Variants in ARHGAP31 observed in about 807,000 individuals in gnomAD.
ARHGAP31 encodes the protein Rho GTPase activating protein 31.
In ARHGAP31, 34 loss-of-function variants were observed where a neutral mutation model predicts 113.9. That is an observed-to-expected ratio of 0.30 (90% confidence interval 0.23 to 0.40). ARHGAP31 has a LOEUF of 0.40. Among genes scored for constraint, ARHGAP31 ranks in the 10% least tolerant of loss-of-function variants. ARHGAP31 has a pLI of 1.00. For synonymous variants in ARHGAP31, 650 were observed against 684.8 expected, an observed-to-expected ratio of 0.95 and a Z score of 0.79; for missense variants, 1,548 against 1,767.1, an observed-to-expected ratio of 0.88 and a Z score of 2.22.
chr3:119,318,170 T>C (rs2079750869), intron 1 of ARHGAP31, among the ~76,000 whole-genome samples: 1 of 152,002 alleles, frequency 6.6e-6, no homozygotes, highest in Non-Finnish European at 1.5e-5. Flanking sequence ...CTCAAGAGGC[T>C]GAAGTGGGAG....
chr3:119,312,914 CTG>C (rs1369609524), intron 1 of ARHGAP31, among the ~76,000 whole-genome samples: 1 of 152,130 alleles, frequency 6.6e-6, no homozygotes, highest in East Asian at 1.9e-4. Context: ...AGACCTTTCT[CTG>C]TGTGTTTACT....
chr3:119,337,876 G>C (rs578097873), intron 1 of ARHGAP31, among the ~76,000 whole-genome samples: 152 of 152,276 alleles, frequency 1.0e-3, no homozygotes, highest in Non-Finnish European at 1.9e-3. Context: ...AGACAGAAAA[G>C]TTCTCCAAGT....
At chr3:119,367,962 C>T (rs4687849) in intron 2 of ARHGAP31, among the ~76,000 whole-genome samples, 6,423 of 151,830 alleles carry the variant, frequency 0.042, 373 homozygotes, top group South Asian at 0.13. Context: ...TGGAGATGAG[C>T]GACAACAACC....
rs1411861051 is a variant in ARHGAP31 at position 119,414,972 on chromosome 3, GGGGCAGAGGC to G, written c.3044_3053del (p.Gly1015ValfsTer23). 1 of 1,614,060 alleles carries G rather than the reference GGGGCAGAGGC, an allele frequency of 6.2e-7. No homozygotes were observed. Among genetic ancestry groups the G allele is most frequent in the African/African-American group, 1.3e-5 (1 of 74,926 alleles). ...CTTCAGAGAGTTCTCTGGCCTGAAA[GGGGCAGAGGC>G]TCCTCCCAACCAGAAGGGACCAAGT... On this transcript the variant is annotated frameshift_variant, in exon 12 of 12. Transcript: ENST00000264245. LOFTEE classifies it high-confidence loss of function.
rs1002418335 is a variant in ARHGAP31, at chr3:119,300,606, A to G, written c.100+5602A>G. Among the ~76,000 whole-genome samples the G allele has an allele frequency of 8.5e-5, 13 of 152,206 alleles. No homozygotes were observed. In the East Asian group the frequency reaches 2.3e-3, roughly 27 times the overall value. ...CACTTTGGGAGGCCAAAGTGGGTAG[A>G]TCACTTGAGGTCAGACGTTCGAGAC... is the stretch of plus-strand genomic sequence containing the variant. On this transcript the variant is annotated intron_variant, in intron 1 of 11. Transcript: ENST00000264245.
In ARHGAP31 at chr3:119,403,048, G is replaced by A. The variant is rs142132892; in HGVS notation, c.1645+651G>A. 1.2e-4 allele frequency among the ~76,000 whole-genome samples: 19 copies of A among 152,308 alleles called. No homozygotes were observed. The East Asian group carries it at 3.3e-3, about 26-fold the overall frequency. Reference sequence around the variant, plus strand: ...AGATTGGCCAGACTTGAGTCTCTGGGTGTGTCTGGAGTGAAGAGAGTTTCT... The same window carrying A: ...AGATTGGCCAGACTTGAGTCTCTGGATGTGTCTGGAGTGAAGAGAGTTTCT... On this transcript the variant is annotated intron_variant, in intron 10 of 11. Coordinates refer to ENST00000264245, the MANE Select transcript of ARHGAP31 (RefSeq NM_020754.4).
chr3:119,397,361 G>A (rs1224775427), intron 8 of ARHGAP31, among the ~76,000 whole-genome samples: 2 of 152,198 alleles, frequency 1.3e-5, no homozygotes, highest in African/African-American at 4.8e-5. Context: ...AGTCAGGGGC[G>A]CCTGGTCACT....
At chr3:119,380,187 A>G (rs1180710466) in intron 3 of ARHGAP31, among the ~76,000 whole-genome samples, 1 of 152,140 alleles carries the variant, frequency 6.6e-6, no homozygotes, top group Admixed American at 6.5e-5. Flanking sequence ...CAACGCTCTT[A>G]TCCCTGCCAA....
chr3:119,409,812 A>G lies in ARHGAP31; in HGVS notation c.1926+36A>G. The G allele has an allele frequency of 1.9e-6, 3 of 1,549,304 alleles. No homozygotes were observed. In the South Asian group the frequency reaches 3.7e-5, roughly 19 times the overall value. ...TTCTCCACCTGCTCCAGCCAGGTGG[A>G]GTTATTTTTTCCCAAGGGCTCTTGG... On this transcript the variant is annotated intron_variant, in intron 11 of 11. Coordinates refer to ENST00000264245, the MANE Select transcript of ARHGAP31 (RefSeq NM_020754.4).
intron 1 of ARHGAP31, among the ~76,000 whole-genome samples, chr3:119,301,990 C>G (rs955815638): frequency 2.0e-5 from 3 of 152,202 alleles, no homozygotes; most frequent in African/African-American, 7.2e-5. Context: ...GGCCCAGGAA[C>G]AGGGAGTTAG....
At chr3:119,405,579 C>T (rs900345012) in intron 10 of ARHGAP31, among the ~76,000 whole-genome samples, 3 of 152,178 alleles carry the variant, frequency 2.0e-5, no homozygotes, top group Admixed American at 6.5e-5. Flanking sequence ...ACACTACCCT[C>T]AGGAGGCTGA....
Position 119,413,959 on chromosome 3 carries a change from T to G in ARHGAP31, c.2030T>G (p.Leu677Arg). Residue 677 changes from leucine (L) to arginine (R), a missense_variant, in exon 12 of 12, where the codon CTG (leucine) becomes CGG (arginine). Transcript: ENST00000264245. ...EELSSLPPPA[L>R]KTSPIQPILE... ...CTCTCATCGTTGCCACCTCCTGCTC[T>G]GAAGACCAGCCCAATTCAGCCTATT... 6.2e-7 allele frequency: 1 copy of G among 1,614,214 alleles called. No homozygotes were observed. The highest frequency in any genetic ancestry group is 1.1e-5 in the South Asian group (1 of 91,088).
intron 6 of ARHGAP31, among the ~76,000 whole-genome samples, chr3:119,387,179 A>C (rs1046718960): frequency 6.6e-6 from 1 of 152,186 alleles, no homozygotes; most frequent in Non-Finnish European, 1.5e-5. Context: ...GCTGGACCAC[A>C]GTCCGCCTGG....
intron 1 of ARHGAP31, chr3:119,330,103 T>C (rs1284565191): frequency 1.2e-6 from 1 of 801,646 alleles, no homozygotes; most frequent in Non-Finnish European, 1.5e-6. Context: ...TCACCCCAAT[T>C]AGTGTTGTGG....
At chr3:119,318,171 G>T (rs540620678) in intron 1 of ARHGAP31, among the ~76,000 whole-genome samples, 30 of 152,250 alleles carry the variant, frequency 2.0e-4, no homozygotes, top group African/African-American at 7.0e-4. Context: ...TCAAGAGGCT[G>T]AAGTGGGAGG....
rs76222391 is a variant in ARHGAP31 at position 119,323,920 on chromosome 3, C to T, written c.100+28916C>T. ...GCGGTTTCCACATTTCCTGTCCTCC[C>T]CCTTCCCCTTTCCTGCTGGGAATAA... is the stretch of plus-strand genomic sequence containing the variant. On this transcript the variant is annotated intron_variant, in intron 1 of 11. Transcript: ENST00000264245. Among the ~76,000 whole-genome samples the T allele has an allele frequency of 6.5e-3, 987 of 152,328 alleles. 16 individuals carry two copies. Among genetic ancestry groups the T allele is most frequent in the East Asian group, 0.061 (316 of 5,182 alleles).
At position 119,367,852 on chromosome 3, in the gene ARHGAP31, A is replaced by G. The variant is rs144570272; in HGVS notation, c.204-520A>G. On this transcript the variant is annotated intron_variant, in intron 2 of 11. Transcript: ENST00000264245. ...AGCCTGGGTGACAGAGCGAGACTCC[A>G]TCTCAAAAAAAAGAAAAAAAAAAAA... 6.7e-3 allele frequency among the ~76,000 whole-genome samples: 966 copies of G among 144,442 alleles called. 6 individuals carry two copies. The highest frequency in any genetic ancestry group is 9.6e-3 in the Non-Finnish European group (631 of 65,852). The allele number at this position is 144,442 out of a possible 152,430, so 94.8% of individuals were successfully genotyped here.
chr3:119,384,762 G>C (rs956447777), intron 6 of ARHGAP31, among the ~76,000 whole-genome samples: 4 of 152,178 alleles, frequency 2.6e-5, no homozygotes, highest in South Asian at 2.1e-4. Context: ...ATGAACTTTG[G>C]GGGACACATT....
chr3:119,341,563 A>T (rs1662150642), intron 1 of ARHGAP31, among the ~76,000 whole-genome samples: 2 of 152,158 alleles, frequency 1.3e-5, no homozygotes, highest in African/African-American at 4.8e-5. Flanking sequence ...TAGCGTTATG[A>T]ACCCTTGAAA....
Sources: allele counts gnomAD v4.1 joint callset (sites outside exome capture counted in the v4.1 genomes callset), GRCh38; gene constraint gnomAD v4.1.1; transcripts MANE v1.5; gene names NCBI Gene and HGNC (gene_info 2026-07-23, HGNC 2026-07-21).